The following C1orf21 variants were observed in gnomAD, a reference collection of about 807,000 sequenced individuals.
The protein encoded by C1orf21 is chromosome 1 open reading frame 21, also known as uncharacterized protein C1orf21.
Under a neutral mutation model 18.7 loss-of-function variants are expected in C1orf21, and 3 were observed. The ratio of observed to expected loss-of-function variants is 0.16; its 90% confidence interval spans 0.07 to 0.42. The LOEUF (loss-of-function observed/expected upper bound fraction) is 0.42, where lower values mean the gene tolerates loss of function less well. C1orf21 is among the 10% of genes least tolerant of loss of function. The pLI is 0.99. For synonymous variants in C1orf21, 41 were observed against 46.4 expected, an observed-to-expected ratio of 0.88 and a Z score of 0.47; for missense variants, 104 against 143.6, an observed-to-expected ratio of 0.72 and a Z score of 1.41.
At chr1:184,495,192 C>G (rs1212612781) in intron 2 of C1orf21, among the ~76,000 whole-genome samples, 5 of 152,180 alleles carry the variant, frequency 3.3e-5, no homozygotes, top group African/African-American at 1.2e-4. Flanking sequence ...ACAGCCACCT[C>G]CCTTTCACCT....
At chr1:184,448,930 C>T (rs1469562631) in intron 1 of C1orf21, among the ~76,000 whole-genome samples, 2 of 152,154 alleles carry the variant, frequency 1.3e-5, no homozygotes, top group Admixed American at 1.3e-4. Flanking sequence ...AAATAATACA[C>T]TTTCTTCCAA....
chr1:184,390,954 C>T (rs190036443), intron 1 of C1orf21, among the ~76,000 whole-genome samples: 14 of 152,186 alleles, frequency 9.2e-5, no homozygotes, highest in African/African-American at 2.4e-4. Context: ...AGAAAGATTG[C>T]GACAGTGAAA....
intron 1 of C1orf21, among the ~76,000 whole-genome samples, chr1:184,475,111 C>G (rs909237591): frequency 2.0e-5 from 3 of 152,184 alleles, no homozygotes; most frequent in African/African-American, 7.2e-5. Context: ...AGCTGAACCC[C>G]TTGTCCTCTC....
At chr1:184,555,626 C>T (rs1303021130) in intron 3 of C1orf21, among the ~76,000 whole-genome samples, 1 of 152,008 alleles carries the variant, frequency 6.6e-6, no homozygotes, top group Non-Finnish European at 1.5e-5. Flanking sequence ...CCAGAGCAGC[C>T]TTGTGCCCCC....
At chr1:184,416,031 T>G (rs564522611) in intron 1 of C1orf21, among the ~76,000 whole-genome samples, 1 of 152,210 alleles carries the variant, frequency 6.6e-6, no homozygotes, top group Non-Finnish European at 1.5e-5. Flanking sequence ...AGAACAGTCC[T>G]AGGCAAAAAG....
At chr1:184,448,903 T>C (rs1410367996) in intron 1 of C1orf21, among the ~76,000 whole-genome samples, 2 of 152,198 alleles carry the variant, frequency 1.3e-5, no homozygotes, top group Admixed American at 1.3e-4. Flanking sequence ...CTTCAAAGTA[T>C]ATGAGTAAAA....
intron 3 of C1orf21, among the ~76,000 whole-genome samples, chr1:184,563,114 GT>G (rs915169591): frequency 6.6e-6 from 1 of 152,100 alleles, no homozygotes; most frequent in Non-Finnish European, 1.5e-5. Flanking sequence ...GATTGCCAAG[GT>G]TTTGGTTCTT....
chr1:184,516,548 G>A lies in C1orf21; in HGVS notation c.189+8866G>A, dbSNP rs576021661. Among the ~76,000 whole-genome samples the A allele has an allele frequency of 2.0e-4, 31 of 152,292 alleles. 1 individual carries two copies. Among genetic ancestry groups the A allele is most frequent in the Admixed American group, 1.4e-3 (22 of 15,298 alleles). ...AGGTTTAATTGGACTTAAGTTCCAC[G>A]TGGATGGGGAAGCTTCACAATCATG... On this transcript the variant is annotated intron_variant, in intron 3 of 5. Coordinates refer to ENST00000235307, the MANE Select transcript of C1orf21 (RefSeq NM_030806.4).
chr1:184,523,230 T>A (rs1472077391), intron 3 of C1orf21, among the ~76,000 whole-genome samples: 1 of 152,130 alleles, frequency 6.6e-6, no homozygotes, highest in Non-Finnish European at 1.5e-5. Flanking sequence ...ATGAGAACTT[T>A]ACAGTGGAGA....
At chr1:184,571,032 G>A (rs963652325) in intron 3 of C1orf21, among the ~76,000 whole-genome samples, 1 of 152,116 alleles carries the variant, frequency 6.6e-6, no homozygotes, top group Non-Finnish European at 1.5e-5. Flanking sequence ...GGTGGCTCAC[G>A]CCTGTAATCC....
intron 2 of C1orf21, among the ~76,000 whole-genome samples, chr1:184,490,768 C>A (rs1657805342): frequency 6.6e-6 from 1 of 151,980 alleles, no homozygotes; most frequent in South Asian, 2.1e-4. Flanking sequence ...TGATTATGAA[C>A]CCTGAGTAAT....
chr1:184,518,067 T>C (rs941530537), intron 3 of C1orf21, among the ~76,000 whole-genome samples: 2 of 152,200 alleles, frequency 1.3e-5, no homozygotes, highest in African/African-American at 4.8e-5. Context: ...TACCCCTTCA[T>C]TGATCTTGGA....
chr1:184,487,599 T>C (rs571730324), intron 2 of C1orf21, among the ~76,000 whole-genome samples: 1 of 152,342 alleles, frequency 6.6e-6, no homozygotes, highest in South Asian at 2.1e-4. Flanking sequence ...AAGTCATTGT[T>C]AACTGGCCAC....
chr1:184,569,669 C>A (rs542952105), intron 3 of C1orf21, among the ~76,000 whole-genome samples: 1 of 152,186 alleles, frequency 6.6e-6, no homozygotes, highest in African/African-American at 2.4e-5. Flanking sequence ...ACAGCCTGGG[C>A]AATATAGCAA....
chr1:184,557,726 C>T (rs1310743514), intron 3 of C1orf21, among the ~76,000 whole-genome samples: 1 of 152,164 alleles, frequency 6.6e-6, no homozygotes, highest in South Asian at 2.1e-4. Flanking sequence ...ACCTCATTCC[C>T]TTCAAGTTTC....
At chr1:184,619,043 A>G (rs1659875589) in intron 5 of C1orf21, among the ~76,000 whole-genome samples, 1 of 152,202 alleles carries the variant, frequency 6.6e-6, no homozygotes, top group Non-Finnish European at 1.5e-5. Context: ...ATGCGTGTTT[A>G]AGGATTCTTG....
chr1:184,581,836 A>C (rs1464878695), intron 3 of C1orf21, among the ~76,000 whole-genome samples: 1 of 152,214 alleles, frequency 6.6e-6, no homozygotes, highest in East Asian at 1.9e-4. Flanking sequence ...GCCCCACTTC[A>C]TGTTTGTTTG....
At chr1:184,443,227 C>G (rs1415662710) in intron 1 of C1orf21, among the ~76,000 whole-genome samples, 1 of 152,190 alleles carries the variant, frequency 6.6e-6, no homozygotes, top group East Asian at 1.9e-4. Context: ...TTTCTGTGGA[C>G]TGTTCCTCTG....
At chr1:184,409,271 CCTT>C (rs1193557339) in intron 1 of C1orf21, among the ~76,000 whole-genome samples, 8 of 152,190 alleles carry the variant, frequency 5.3e-5, no homozygotes, top group African/African-American at 1.9e-4. Context: ...GTGAGCAGGT[CCTT>C]CTTATGTTGG....
Sources: gnomAD v4.1 joint callset for allele counts (sites outside exome capture counted in the v4.1 genomes callset) on GRCh38, gnomAD v4.1.1 for gene constraint, MANE v1.5 for transcripts, NCBI Gene and HGNC (gene_info 2026-07-23, HGNC 2026-07-21) for gene names.